The following DAP variants were observed in gnomAD, a reference collection of about 807,000 sequenced individuals.
The protein encoded by DAP is death associated protein, also known as death-associated protein 1.
A neutral mutation model predicts 13.8 loss-of-function variants in DAP; 8 were observed. That is an observed-to-expected ratio of 0.58 (90% CI 0.34 to 1.05). The LOEUF (loss-of-function observed/expected upper bound fraction) is 1.05. Ranked by LOEUF, DAP falls within the 50% of genes least tolerant of loss-of-function variation. The pLI is 0.03. For missense variants in DAP, 106 were observed against 133.2 expected, an observed-to-expected ratio of 0.80 and a Z score of 1.01; for synonymous variants, 47 against 47.5, an observed-to-expected ratio of 0.99 and a Z score of 0.04.
chr5:10,682,158 G>GCAGT (rs1161934553), intron 3 of DAP, among the ~76,000 whole-genome samples: 3 of 151,540 alleles, frequency 2.0e-5, no homozygotes. Context: ...AGGAAGCATG[G>GCAGT]TGTTTGTGGG....
At chr5:10,697,649 A>C (rs1487283890) in intron 2 of DAP, among the ~76,000 whole-genome samples, 1 of 152,200 alleles carries the variant, frequency 6.6e-6, no homozygotes, top group Non-Finnish European at 1.5e-5. Flanking sequence ...AATAGGATAA[A>C]ACTATGGTGG....
rs1740338942 is a variant in DAP at position 10,761,037 on chromosome 5, G to C, written c.32C>G (p.Thr11Ser). 8.2e-7 allele frequency: 1 copy of C among 1,215,320 alleles called. No individual in the cohort carries two copies. Among genetic ancestry groups the C allele is most frequent in the South Asian group, 3.6e-5 (1 of 27,764 alleles). The allele number at this position is 1,215,320 out of a possible 1,614,324, so 75.3% of individuals were successfully genotyped here. Residue 11 changes from threonine (T) to serine (S), a missense_variant, in exon 1 of 4, where the codon ACT (threonine) becomes AGT (serine). Transcript: ENST00000230895. MSSPPEGKLE[T>S]KAGHPPAVKA... is the part of the protein sequence containing the mutation. ...ACCGGCGGGCGGGTGTCCAGCTTTA[G>C]TCTCTAGTTTCCCTTCGGGAGGCGA... is the stretch of plus-strand genomic sequence containing the variant.
At chr5:10,749,504 G>T (rs925428484) in intron 1 of DAP, among the ~76,000 whole-genome samples, 3 of 150,724 alleles carry the variant, frequency 2.0e-5, no homozygotes, top group Non-Finnish European at 4.4e-5. Context: ...CCTAGTGGGT[G>T]TGAAGTGGTC....
chr5:10,690,651 T>A (rs927227829), intron 2 of DAP, among the ~76,000 whole-genome samples: 2 of 152,236 alleles, frequency 1.3e-5, no homozygotes, highest in African/African-American at 2.4e-5. Flanking sequence ...TGAGGCTGAA[T>A]AACATTCCAC....
At chr5:10,690,821 T>C (rs774398037) in intron 2 of DAP, among the ~76,000 whole-genome samples, 14 of 152,242 alleles carry the variant, frequency 9.2e-5, no homozygotes, top group Admixed American at 5.9e-4. Context: ...CTGGGTTATA[T>C]GGTAATTCTG....
chr5:10,727,631 G>A (rs1739324062), intron 2 of DAP, among the ~76,000 whole-genome samples: 1 of 152,188 alleles, frequency 6.6e-6, no homozygotes, highest in African/African-American at 2.4e-5. Context: ...CAAGTTATGA[G>A]AGCCTAGTAA....
chr5:10,746,114 C>T (rs1306201443), intron 2 of DAP, among the ~76,000 whole-genome samples: 2 of 152,162 alleles, frequency 1.3e-5, no homozygotes, highest in Non-Finnish European at 2.9e-5. Context: ...AGGTTTTATT[C>T]TCCTAGGGGG....
In DAP at chr5:10,761,048, C is replaced by A. The variant is rs745658094; in HGVS notation, c.21G>T (p.Gly7=). 19 of 1,218,448 alleles carry A rather than the reference C, an allele frequency of 1.6e-5. No individual in the cohort carries two copies. Among genetic ancestry groups the A allele is most frequent in the Non-Finnish European group, 2.0e-5 (19 of 968,232 alleles). The allele number at this position is 1,218,448 out of a possible 1,614,324, so 75.5% of individuals were successfully genotyped here. MSSPPE[G]KLETKAGHPP... ...GGTGTCCAGCTTTAGTCTCTAGTTT[C>A]CCTTCGGGAGGCGAAGACATGACGC... Residue 7 remains glycine, a synonymous_variant, in exon 1 of 4, where the codon GGG becomes GGT. Coordinates refer to ENST00000230895, the MANE Select transcript of DAP (RefSeq NM_004394.3).
intron 2 of DAP, among the ~76,000 whole-genome samples, chr5:10,692,439 T>C (rs2126639783): frequency 6.6e-6 from 1 of 152,242 alleles, no homozygotes; most frequent in East Asian, 1.9e-4. Context: ...GGGCCTTCAG[T>C]GGGGGCCGCC....
chr5:10,747,567 T>C (rs2111383775), intron 2 of DAP, among the ~76,000 whole-genome samples: 1 of 152,352 alleles, frequency 6.6e-6, no homozygotes, highest in East Asian at 1.9e-4. Flanking sequence ...CCCCTGAGGT[T>C]CAACTAGTGC....
intron 2 of DAP, among the ~76,000 whole-genome samples, chr5:10,711,885 C>T (rs1035743536): frequency 6.6e-6 from 1 of 152,206 alleles, no homozygotes; most frequent in Non-Finnish European, 1.5e-5. Flanking sequence ...CTTCCTCAAA[C>T]GCAGGACCAG....
chr5:10,761,076 CG>C lies in DAP; in HGVS notation c.-9del, dbSNP rs1267627007. 1 of 1,210,086 alleles carries C rather than the reference CG, an allele frequency of 8.3e-7. No individual in the cohort carries two copies. 75.0% of individuals were successfully genotyped at this position (1,210,086 alleles called of 1,614,324 possible). On this transcript the variant is annotated 5_prime_UTR_variant, in exon 1 of 4. Coordinates refer to ENST00000230895, the MANE Select transcript of DAP (RefSeq NM_004394.3). Reference sequence around the variant, plus strand: ...TTCGGGAGGCGAAGACATGACGCGGCGGGGCTTCCGCGGGGCCGAGGCGGCG... The same window carrying C: ...TTCGGGAGGCGAAGACATGACGCGGCGGGCTTCCGCGGGGCCGAGGCGGCG...
chr5:10,683,243 C>T (rs1036179770), intron 3 of DAP: 14 of 500,456 alleles, frequency 2.8e-5, no homozygotes, highest in East Asian at 1.1e-4. Flanking sequence ...GGGTTCACTG[C>T]GGGGGTTTGC....
chr5:10,749,809 G>A (rs151099506), intron 1 of DAP, among the ~76,000 whole-genome samples: 1 of 139,150 alleles, frequency 7.2e-6, no homozygotes, highest in African/African-American at 2.7e-5. Context: ...AGTGTTCCAT[G>A]AACAGAATTT....
At chr5:10,736,365 G>A (rs1739611588) in intron 2 of DAP, among the ~76,000 whole-genome samples, 1 of 152,242 alleles carries the variant, frequency 6.6e-6, no homozygotes, top group Non-Finnish European at 1.5e-5. Context: ...CCTGGGTGGA[G>A]ATGAGAATGG....
At position 10,705,474 on chromosome 5, in the gene DAP, C is replaced by T. The variant is rs934744446; in HGVS notation, c.153-21903G>A. Among the ~76,000 whole-genome samples, 5 of 152,248 alleles carry T rather than the reference C, an allele frequency of 3.3e-5. No individual in the cohort carries two copies. The East Asian group carries it at 7.7e-4, about 23-fold the overall frequency. On this transcript the variant is annotated intron_variant, in intron 2 of 3. Coordinates refer to ENST00000230895, the MANE Select transcript of DAP (RefSeq NM_004394.3). Reference sequence around the variant, plus strand: ...CAAGTCTGTGTGGCAGAAGCCTGGGCTCTCTCCACTGCTGTGTGAGAACAA... The same window carrying T: ...CAAGTCTGTGTGGCAGAAGCCTGGGTTCTCTCCACTGCTGTGTGAGAACAA...
At chr5:10,743,346 T>C (rs1280377480) in intron 2 of DAP, among the ~76,000 whole-genome samples, 1 of 152,222 alleles carries the variant, frequency 6.6e-6, no homozygotes, top group Non-Finnish European at 1.5e-5. Context: ...CTCCCACCTC[T>C]TGGTTGATGT....
At chr5:10,750,449 G>C (rs1740019906) in intron 1 of DAP, among the ~76,000 whole-genome samples, 1 of 152,146 alleles carries the variant, frequency 6.6e-6, no homozygotes, top group Non-Finnish European at 1.5e-5. Flanking sequence ...CTCTGGCTTG[G>C]GTTTAGAACT....
Position 10,748,201 on chromosome 5 carries a change from C to A in DAP, c.126G>T (p.Lys42Asn), listed in dbSNP as rs1189807314. The change falls in exon 2 of 4, where the codon AAG becomes AAT. Residue 42 changes from lysine (K) to asparagine (N), a missense_variant. Coordinates refer to ENST00000230895, the MANE Select transcript of DAP (RefSeq NM_004394.3). ...TGGGGCTTTCCCATTCCTGGTCATCCTTGTCTTTCTCTTCTTTGGTGTCTC... is the reference window on the plus strand; with the variant it reads ...TGGGGCTTTCCCATTCCTGGTCATCATTGTCTTTCTCTTCTTTGGTGTCTC... ...HTGDTKEEKD[K>N]DDQEWESPSP... is the part of the protein sequence containing the mutation. 1.2e-6 allele frequency: 2 copies of A among 1,613,978 alleles called. No homozygotes were observed. The highest frequency in any genetic ancestry group is 2.2e-5 in the South Asian group (2 of 91,084).
Sources: allele counts gnomAD v4.1 joint callset (sites outside exome capture counted in the v4.1 genomes callset), GRCh38; gene constraint gnomAD v4.1.1; transcripts MANE v1.5; gene names NCBI Gene and HGNC (gene_info 2026-07-23, HGNC 2026-07-21).